The following CRB1 variants were observed in gnomAD, a reference collection of about 807,000 sequenced individuals.
CRB1 encodes the protein protein crumbs homolog 1.
Under a neutral mutation model 120.0 loss-of-function variants are expected in CRB1, and 83 were observed. The observed-to-expected ratio is 0.69, with a 90% confidence interval of 0.58 to 0.83. The LOEUF is 0.83. Ranked by LOEUF, CRB1 falls within the 40% of genes least tolerant of loss-of-function variation. CRB1 has a pLI of 0.00. For missense variants in CRB1, 1,699 were observed against 1,687.6 expected, an observed-to-expected ratio of 1.01 and a Z score of -0.12; for synonymous variants, 625 against 612.5, an observed-to-expected ratio of 1.02 and a Z score of -0.30.
chr1:197,467,088 A>G (rs1023197838), intron 11 of CRB1, among the ~76,000 whole-genome samples: 1 of 152,232 alleles, frequency 6.6e-6, no homozygotes, highest in Non-Finnish European at 1.5e-5. Context: ...AAGGCCTGGT[A>G]TAGCCAAGGA....
At chr1:197,254,528 C>T in the CRB1 span, among the ~76,000 whole-genome samples, 1 of 151,998 alleles carries the variant, frequency 6.6e-6, no homozygotes, top group African/African-American at 2.4e-5. Flanking sequence ...ATGTCAGGCT[C>T]TGTTGCTATT....
the CRB1 span, among the ~76,000 whole-genome samples, chr1:197,224,323 A>C: frequency 6.6e-6 from 1 of 152,182 alleles, no homozygotes; most frequent in Non-Finnish European, 1.5e-5. Context: ...AATTTTAGAC[A>C]GAAGCGACTT....
chr1:197,278,062 C>T (rs1275332277), intron 1 of CRB1, among the ~76,000 whole-genome samples: 2 of 151,974 alleles, frequency 1.3e-5, no homozygotes, highest in East Asian at 1.9e-4. Context: ...AGCTCTGCCT[C>T]GTTTGTATTC....
At chr1:197,419,954 C>T (rs1275217729) in intron 5 of CRB1, among the ~76,000 whole-genome samples, 1 of 147,322 alleles carries the variant, frequency 6.8e-6, no homozygotes, top group African/African-American at 2.5e-5. Context: ...GCCCTCCAGC[C>T]TGGGCGACAG....
rs1402571942 is a variant in CRB1, at chr1:197,315,767, T to C, written c.71-12655T>C. ...CAGTTTATTCAAAGTAACTTGCTCT[T>C]ATTTGAGTGACTAGATGCATTTTTA... On this transcript the variant is annotated intron_variant, in intron 1 of 11. Coordinates refer to ENST00000367400, the MANE Select transcript of CRB1 (RefSeq NM_201253.3). Among the ~76,000 whole-genome samples, 11 of 152,382 alleles carry C rather than the reference T, an allele frequency of 7.2e-5. No homozygotes were observed. The East Asian group carries it at 1.7e-3, about 24-fold the overall frequency.
chr1:197,364,206 A>G (rs771003873), intron 5 of CRB1: 67 of 416,158 alleles, frequency 1.6e-4, no homozygotes, highest in Non-Finnish European at 2.6e-4. Context: ...GTTCTGCAAT[A>G]AACTCAGTAA....
intron 2 of CRB1, among the ~76,000 whole-genome samples, chr1:197,338,354 GA>G (rs1393602382): frequency 6.6e-6 from 1 of 152,048 alleles, no homozygotes; most frequent in African/African-American, 2.4e-5. Flanking sequence ...TGGATTTAGA[GA>G]AAAATGGCTG....
chr1:197,293,893 A>G (rs939249461), intron 1 of CRB1, among the ~76,000 whole-genome samples: 1 of 152,172 alleles, frequency 6.6e-6, no homozygotes, highest in East Asian at 1.9e-4. Context: ...CCTTCCTTAC[A>G]CCTTATACAA....
the CRB1 span, chr1:197,222,908 C>A: frequency 9.6e-6 from 11 of 1,145,578 alleles, no homozygotes; most frequent in Non-Finnish European, 1.2e-5. Context: ...CTGAACAATT[C>A]ATAGTTGCTT....
intron 1 of CRB1, among the ~76,000 whole-genome samples, chr1:197,281,819 G>A (rs1056623737): frequency 6.6e-6 from 1 of 151,698 alleles, no homozygotes; most frequent in Admixed American, 6.6e-5. Context: ...AGTAATGCAC[G>A]GAAAATATAG....
the CRB1 span, among the ~76,000 whole-genome samples, chr1:197,224,641 A>T: frequency 2.6e-5 from 4 of 152,124 alleles, no homozygotes; most frequent in Admixed American, 2.6e-4. Flanking sequence ...TTCTTCTGTT[A>T]CCTTTTTTGG....
chr1:197,473,967 G>T (rs1229229005), intron 11 of CRB1, among the ~76,000 whole-genome samples: 1 of 152,076 alleles, frequency 6.6e-6, no homozygotes, highest in African/African-American at 2.4e-5. Context: ...TGCCCTATTT[G>T]ATACAGTTAG....
intron 5 of CRB1, among the ~76,000 whole-genome samples, chr1:197,375,154 C>G (rs1402243028): frequency 6.6e-6 from 1 of 152,022 alleles, no homozygotes; most frequent in Non-Finnish European, 1.5e-5. Context: ...TTAATTTTAC[C>G]CTGTTTATAA....
intron 11 of CRB1, among the ~76,000 whole-genome samples, chr1:197,448,315 G>A (rs1015480895): frequency 7.9e-5 from 12 of 152,146 alleles, no homozygotes; most frequent in African/African-American, 2.9e-4. Context: ...GTGCTGAGTT[G>A]CGTAAATGCC....
At chr1:197,407,859 A>G (rs953673987) in intron 5 of CRB1, among the ~76,000 whole-genome samples, 1 of 152,230 alleles carries the variant, frequency 6.6e-6, no homozygotes, top group Non-Finnish European at 1.5e-5. Context: ...ATTCATGGAT[A>G]CATTAGATAT....
At position 197,379,339 on chromosome 1, in the gene CRB1, G is replaced by T. The variant is rs368034530; in HGVS notation, c.1171+22326G>T. On this transcript the variant is annotated intron_variant, in intron 5 of 11. Transcript: ENST00000367400. Reference sequence around the variant, plus strand: ...TTTTGAGATGGAGTCTCGCTTTGTCGCCCAGGCTGGAATATAGTGCCACGA... The same window carrying T: ...TTTTGAGATGGAGTCTCGCTTTGTCTCCCAGGCTGGAATATAGTGCCACGA... Among the ~76,000 whole-genome samples the T allele has an allele frequency of 2.7e-5, 4 of 149,720 alleles. No individual in the cohort carries two copies. The South Asian group carries it at 6.4e-4, about 24-fold the overall frequency.
Position 197,344,424 on chromosome 1 carries a change from T to A in CRB1, c.796T>A (p.Cys266Ser), listed in dbSNP as rs1659650891. 1 of 1,614,054 alleles carries A rather than the reference T, an allele frequency of 6.2e-7. No individual in the cohort carries two copies. Among genetic ancestry groups the A allele is most frequent in the Non-Finnish European group, 8.5e-7 (1 of 1,179,996 alleles). The change falls in exon 3 of 12, where the codon TGT becomes AGT. Residue 266 changes from cysteine to serine, a missense_variant. Physicochemically the swap from Cys to Ser is moderately radical, Grantham distance 112 (BLOSUM62 -1). Transcript: ENST00000367400. ...GDHCELNTDE[C>S]ASQPCLHGGL... ...TCACTGTGAACTCAACACTGATGAGTGTGCCAGTCAACCTTGTCTCCATGG... is the reference window on the plus strand; with the variant it reads ...TCACTGTGAACTCAACACTGATGAGAGTGCCAGTCAACCTTGTCTCCATGG...
At chr1:197,318,097 A>G (rs1657962307) in intron 1 of CRB1, among the ~76,000 whole-genome samples, 1 of 152,170 alleles carries the variant, frequency 6.6e-6, no homozygotes, top group South Asian at 2.1e-4. Context: ...TGAAAACTCT[A>G]CATCTAATAA....
At chr1:197,428,605 T>C (rs1664717025) in intron 7 of CRB1, among the ~76,000 whole-genome samples, 1 of 152,138 alleles carries the variant, frequency 6.6e-6, no homozygotes. Context: ...GTGTTGAGCG[T>C]TTGTTGAGCT....
Sources: gnomAD v4.1 joint callset for allele counts (sites outside exome capture counted in the v4.1 genomes callset) on GRCh38, gnomAD v4.1.1 for gene constraint, MANE v1.5 for transcripts, NCBI Gene and HGNC (gene_info 2026-07-23, HGNC 2026-07-21) for gene names.